Variants in TSPAN15 observed in about 807,000 individuals in gnomAD.
The protein encoded by TSPAN15 is tetraspanin 15, also known as tetraspanin-15.
In TSPAN15, 20 loss-of-function variants were observed where a neutral mutation model predicts 34.5. That is an observed-to-expected ratio of 0.58 (90% CI 0.41 to 0.84). TSPAN15 has a LOEUF of 0.84. Ranked by LOEUF, TSPAN15 falls within the 40% of genes least tolerant of loss-of-function variation. TSPAN15 has a pLI of 0.00. For missense variants in TSPAN15, 313 were observed against 386.1 expected, an observed-to-expected ratio of 0.81 and a Z score of 1.59; for synonymous variants, 155 against 153.9, an observed-to-expected ratio of 1.01 and a Z score of -0.05.
chr10:69,508,883 T>G (rs1842386445), downstream of TSPAN15, among the ~76,000 whole-genome samples: 1 of 152,214 alleles, frequency 6.6e-6, no homozygotes, highest in African/African-American at 2.4e-5. Context: ...CACATGGTAC[T>G]AGGCATGCAA....
At position 69,507,379 on chromosome 10, in the gene TSPAN15, G is replaced by A; in HGVS notation, c.*401G>A. ...AGAGGGAGTGTGCCCCTCGGGGCAG[G>A]AGGGAAGGGCATCTGGGGAAGGGCA... On this transcript the variant is annotated 3_prime_UTR_variant, in exon 8 of 8. Coordinates refer to ENST00000373290, the MANE Select transcript of TSPAN15 (RefSeq NM_012339.5). 1 of 1,220,160 alleles carries A rather than the reference G, an allele frequency of 8.2e-7. No individual in the cohort carries two copies. The highest frequency in any genetic ancestry group is 1.0e-6 in the Non-Finnish European group (1 of 959,444). The allele number at this position is 1,220,160 out of a possible 1,614,324, so 75.6% of individuals were successfully genotyped here. A position where few individuals can be genotyped will look rare whatever the true frequency, so the allele number is the denominator to read the frequency against.
the TSPAN15 span, among the ~76,000 whole-genome samples, chr10:69,540,382 C>T: frequency 1.3e-5 from 2 of 152,128 alleles, no homozygotes; most frequent in Admixed American, 6.5e-5. Context: ...TATTTTGGTG[C>T]CCATGCACAG....
At chr10:69,466,095 C>A (rs1841378436) in intron 1 of TSPAN15, among the ~76,000 whole-genome samples, 1 of 152,224 alleles carries the variant, frequency 6.6e-6, no homozygotes, top group Non-Finnish European at 1.5e-5. Flanking sequence ...CCCACTGGCT[C>A]TCTGGAGCTG....
chr10:69,476,045 G>T (rs562079415), intron 1 of TSPAN15, among the ~76,000 whole-genome samples: 2 of 151,966 alleles, frequency 1.3e-5, no homozygotes, highest in Non-Finnish European at 2.9e-5. Flanking sequence ...CTCCCCAAAC[G>T]GATCTATAGA....
At chr10:69,530,816 CTCTCTA>C in the TSPAN15 span, among the ~76,000 whole-genome samples, 130 of 52,366 alleles carry the variant, frequency 2.5e-3, no homozygotes, top group Middle Eastern at 8.9e-3. Context: ...CTCTCTCTCT[CTCTCTA>C]TATATATATA....
chr10:69,519,347 G>T, the TSPAN15 span, among the ~76,000 whole-genome samples: 1 of 152,176 alleles, frequency 6.6e-6, no homozygotes, highest in Non-Finnish European at 1.5e-5. Flanking sequence ...CTGAGCCCAG[G>T]AAGTCGAGGC....
At chr10:69,520,993 C>CTTT in the TSPAN15 span, among the ~76,000 whole-genome samples, 2 of 148,250 alleles carry the variant, frequency 1.3e-5, no homozygotes, top group African/African-American at 4.9e-5. Flanking sequence ...TGTTATTTTC[C>CTTT]TTTTTTTTTT....
At chr10:69,498,429 G>T (rs767172217) in intron 5 of TSPAN15, 33 bp downstream of exon 5, 1 of 1,551,518 alleles carries the variant, frequency 6.4e-7, no homozygotes, top group Non-Finnish European at 8.9e-7. Context: ...CTGGGGGGCT[G>T]TCGGGGACCC....
At chr10:69,510,741 A>G (rs1639724714), downstream of TSPAN15, among the ~76,000 whole-genome samples, 1 of 152,176 alleles carries the variant, frequency 6.6e-6, no homozygotes, top group Non-Finnish European at 1.5e-5. Flanking sequence ...TTATTTTGAG[A>G]TATGTTCCAT....
intron 3 of TSPAN15, among the ~76,000 whole-genome samples, chr10:69,491,408 G>A (rs1441957815): frequency 6.6e-6 from 1 of 152,204 alleles, no homozygotes; most frequent in African/African-American, 2.4e-5. Flanking sequence ...CTGTCACCCA[G>A]GCCGGAGTGC....
chr10:69,539,359 C>T, the TSPAN15 span, among the ~76,000 whole-genome samples: 1 of 129,080 alleles, frequency 7.7e-6, no homozygotes, highest in Admixed American at 8.0e-5. Context: ...AGAACTCATT[C>T]ATGTAACAAA....
intron 3 of TSPAN15, among the ~76,000 whole-genome samples, chr10:69,491,237 G>C (rs12251491): frequency 0.017 from 2,598 of 152,292 alleles, 79 homozygotes; most frequent in African/African-American, 0.06. Flanking sequence ...TGGGACTGGA[G>C]CAGAGGCTAG....
chr10:69,508,135 C>T (rs746465930), downstream of TSPAN15, among the ~76,000 whole-genome samples: 7 of 152,006 alleles, frequency 4.6e-5, no homozygotes, highest in Non-Finnish European at 8.8e-5. Flanking sequence ...TCTTAGTAGC[C>T]AGGGCAATAG....
intron 5 of TSPAN15, among the ~76,000 whole-genome samples, chr10:69,501,254 C>G (rs1183884657): frequency 6.6e-6 from 1 of 152,114 alleles, no homozygotes; most frequent in African/African-American, 2.4e-5. Flanking sequence ...AACGACTAGG[C>G]AAGGGGTGTA....
rs765122257 is a variant in TSPAN15 at position 69,498,319 on chromosome 10, A to G, written c.493A>G (p.Lys165Glu). The change falls in exon 5 of 8, where the codon AAG (lysine) becomes GAG (glutamate). Residue 165 changes from lysine to glutamate, a missense_variant. Coordinates refer to ENST00000373290, the MANE Select transcript of TSPAN15 (RefSeq NM_012339.5). ...CGGGGAGGACTACCGAGATTGGAGC[A>G]AGAATCAGTACCACGACTGCAGTGC... ...CGGEDYRDWSKNQYHDCSAPG... is the reference protein window; with the variant it reads ...CGGEDYRDWSENQYHDCSAPG... 1 of 1,613,810 alleles carries G rather than the reference A, an allele frequency of 6.2e-7. No individual in the cohort carries two copies. Among genetic ancestry groups the G allele is most frequent in the Non-Finnish European group, 8.5e-7 (1 of 1,179,960 alleles).
the TSPAN15 span, among the ~76,000 whole-genome samples, chr10:69,538,961 G>T: frequency 6.9e-6 from 1 of 145,780 alleles, no homozygotes; most frequent in Non-Finnish European, 1.5e-5. Flanking sequence ...GGGACAGAGA[G>T]ATTCCAAATG....
chr10:69,537,760 G>A, the TSPAN15 span, among the ~76,000 whole-genome samples: 28 of 152,190 alleles, frequency 1.8e-4, no homozygotes, highest in Admixed American at 3.3e-4. Flanking sequence ...ACGTGATTCC[G>A]TCCCTAACAG....
At chr10:69,507,679 TC>T, downstream of TSPAN15, 2 of 1,256,338 alleles carry the variant, frequency 1.6e-6, no homozygotes, top group Non-Finnish European at 2.1e-6. Flanking sequence ...TTTTTGCCTT[TC>T]CTGTGTGCTG....
downstream of TSPAN15, among the ~76,000 whole-genome samples, chr10:69,508,440 CAAAAAAAAAAAAAAAA>C (rs71009229): frequency 1.3e-4 from 8 of 62,162 alleles, no homozygotes; most frequent in East Asian, 6.9e-4. Context: ...GACTCCATCT[CAAAAAAAAAAAAAAAA>C]AAAAAAAAAA....
Sources: gnomAD v4.1 joint callset for allele counts (sites outside exome capture counted in the v4.1 genomes callset) on GRCh38, gnomAD v4.1.1 for gene constraint, MANE v1.5 for transcripts, NCBI Gene and HGNC (gene_info 2026-07-23, HGNC 2026-07-21) for gene names.